Variants in SLC9A4 observed in about 807,000 individuals in gnomAD.
SLC9A4 encodes solute carrier family 9 member A4.
Under a neutral mutation model 67.4 loss-of-function variants are expected in SLC9A4, and 63 were observed. The ratio of observed to expected loss-of-function variants is 0.93; its 90% CI spans 0.76 to 1.15. The LOEUF is 1.15. SLC9A4 is among the 50% of genes most tolerant of loss of function. SLC9A4 has a pLI of 0.00. For missense variants in SLC9A4, 1,089 were observed against 987.7 expected, an observed-to-expected ratio of 1.10 and a Z score of -1.38; for synonymous variants, 393 against 367.2, an observed-to-expected ratio of 1.07 and a Z score of -0.80.
At chr2:102,476,544 G>A (rs1245947885) in intron 1 of SLC9A4, among the ~76,000 whole-genome samples, 1 of 152,216 alleles carries the variant, frequency 6.6e-6, no homozygotes, top group African/African-American at 2.4e-5. Context: ...TCAGGAAACT[G>A]GATTCCTGGA....
At chr2:102,515,380 GGCAGAAA>G (rs1685255710) in intron 8 of SLC9A4, among the ~76,000 whole-genome samples, 2 of 148,618 alleles carry the variant, frequency 1.3e-5, no homozygotes, top group African/African-American at 4.9e-5. Context: ...TAAGAAATAA[GGCAGAAA>G]GCTTTGTATT....
At chr2:102,505,926 C>T (rs1685041009) in intron 4 of SLC9A4, 1 of 166,250 alleles carries the variant, frequency 6.0e-6, no homozygotes. Flanking sequence ...TACACTTTCA[C>T]TATAGGATAA....
At chr2:102,529,121 A>G (rs1317896416) in intron 11 of SLC9A4, among the ~76,000 whole-genome samples, 1 of 152,238 alleles carries the variant, frequency 6.6e-6, no homozygotes, top group Non-Finnish European at 1.5e-5. Flanking sequence ...GGACTTAAAG[A>G]AGCCTTGACA....
chr2:102,527,814 C>G (rs902344064), intron 11 of SLC9A4, among the ~76,000 whole-genome samples: 4 of 152,094 alleles, frequency 2.6e-5, no homozygotes, highest in Non-Finnish European at 5.9e-5. Context: ...ATATGAATCT[C>G]TTTGATTTTT....
At chr2:102,510,278 T>C (rs11690096) in intron 6 of SLC9A4, among the ~76,000 whole-genome samples, 4,811 of 54,562 alleles carry the variant, frequency 0.088, 152 homozygotes, top group African/African-American at 0.14. Context: ...GATACAGATA[T>C]AGATATAGAT....
chr2:102,488,424 T>C (rs1008816435), intron 2 of SLC9A4, among the ~76,000 whole-genome samples: 5 of 152,156 alleles, frequency 3.3e-5, no homozygotes, highest in South Asian at 2.1e-4. Context: ...GAGGAAGCCA[T>C]TGACCCTGAC....
intron 1 of SLC9A4, among the ~76,000 whole-genome samples, chr2:102,474,895 C>G (rs1246205513): frequency 6.6e-6 from 1 of 152,120 alleles, no homozygotes; most frequent in African/African-American, 2.4e-5. Context: ...TTTTAATTCT[C>G]ATTTATTTAT....
chr2:102,530,366 C>T (rs1221617152), intron 11 of SLC9A4, among the ~76,000 whole-genome samples: 1 of 152,246 alleles, frequency 6.6e-6, no homozygotes, highest in African/African-American at 2.4e-5. Context: ...CTGCCTGGAA[C>T]TGCACTACCT....
intron 11 of SLC9A4, among the ~76,000 whole-genome samples, chr2:102,530,527 C>T (rs1674755138): frequency 6.6e-6 from 1 of 152,236 alleles, no homozygotes; most frequent in African/African-American, 2.4e-5. Context: ...ACCCATGCCT[C>T]TTCCTAGAGC....
chr2:102,521,705 A>C (rs536155509), intron 9 of SLC9A4, among the ~76,000 whole-genome samples: 6 of 152,336 alleles, frequency 3.9e-5, no homozygotes, highest in African/African-American at 1.2e-4. Context: ...CTCTGTTTCT[A>C]GCAGACAATC....
rs377418133 is a variant in SLC9A4 at position 102,519,927 on chromosome 2, C to A, written c.1790C>A (p.Thr597Lys). 6.2e-7 allele frequency: 1 copy of A among 1,613,736 alleles called. No individual in the cohort carries two copies. The highest frequency in any genetic ancestry group is 1.1e-5 in the South Asian group (1 of 91,064). ...EDVESIRDILTSNMYQVRQRT... is the reference protein window; with the variant it reads ...EDVESIRDILKSNMYQVRQRT... ...GTGGAGTCCATAAGGGACATTCTGA[C>A]ATCCAACATGTACCAAGTTCGGCAA... The change falls in exon 9 of 12, where the codon ACA becomes AAA. Residue 597 changes from threonine to lysine, a missense_variant. Transcript: ENST00000295269.
chr2:102,509,049 G>T, intron 6 of SLC9A4, 116 bp downstream of exon 6: 1 of 872,734 alleles, frequency 1.1e-6, no homozygotes, highest in South Asian at 1.7e-5. Flanking sequence ...TGCCAAGAGT[G>T]ACTGTATAAG....
intron 11 of SLC9A4, among the ~76,000 whole-genome samples, chr2:102,529,313 G>A (rs1674731627): frequency 6.6e-6 from 1 of 152,184 alleles, no homozygotes; most frequent in Non-Finnish European, 1.5e-5. Flanking sequence ...AAATCTGAGG[G>A]AAAAGTAATG....
chr2:102,483,342 G>A (rs978528362), intron 2 of SLC9A4, among the ~76,000 whole-genome samples: 4 of 152,132 alleles, frequency 2.6e-5, no homozygotes, highest in African/African-American at 7.2e-5. Flanking sequence ...ACTTGCTGCC[G>A]TCCAGTTGTA....
chr2:102,528,433 G>GA (rs1674710370), intron 11 of SLC9A4, among the ~76,000 whole-genome samples: 4 of 150,038 alleles, frequency 2.7e-5, no homozygotes, highest in African/African-American at 7.4e-5. Flanking sequence ...AATTTTTTTA[G>GA]AAAAAAATCT....
At chr2:102,474,143 C>A in intron 1 of SLC9A4, 128 bp downstream of exon 1, 2 of 1,150,152 alleles carry the variant, frequency 1.7e-6, no homozygotes, top group Non-Finnish European at 2.4e-6. Context: ...AATTCTCTTC[C>A]CTTCAGTCAA....
At chr2:102,511,436 T>C (rs72993728) in intron 6 of SLC9A4, among the ~76,000 whole-genome samples, 21 of 152,234 alleles carry the variant, frequency 1.4e-4, no homozygotes, top group African/African-American at 5.1e-4. Flanking sequence ...TTTCTTTTCC[T>C]CAAAAAAGTT....
chr2:102,478,752 G>C, intron 1 of SLC9A4, 87 bp from the exon 2 acceptor site: 1 of 1,318,434 alleles, frequency 7.6e-7, no homozygotes, highest in Non-Finnish European at 1.0e-6. Context: ...GCTTGTCCAC[G>C]GTCCTGTCTG....
Position 102,519,851 on chromosome 2 carries a change from G to A in SLC9A4, c.1722-8G>A, listed in dbSNP as rs1198012690. ...TAATGTTTGTCTCTTCTCCAATAAT[G>A]ATTCCAGGGCCCAGAGGATACAAGG... On this transcript the variant is annotated splice_region_variant and splice_polypyrimidine_tract_variant and intron_variant, in intron 8 of 11. Coordinates refer to ENST00000295269, the MANE Select transcript of SLC9A4 (RefSeq NM_001011552.4). The A allele has an allele frequency of 5.6e-6, 9 of 1,612,646 alleles. No individual in the cohort carries two copies. Among genetic ancestry groups the A allele is most frequent in the African/African-American group, 1.3e-5 (1 of 74,850 alleles).
Sources: gnomAD v4.1 joint callset for allele counts (sites outside exome capture counted in the v4.1 genomes callset) on GRCh38, gnomAD v4.1.1 for gene constraint, MANE v1.5 for transcripts, NCBI Gene and HGNC (gene_info 2026-07-23, HGNC 2026-07-21) for gene names.